Variants in TOR1A observed in about 807,000 individuals in gnomAD.
TOR1A encodes the protein torsin-1A.
Under a neutral mutation model 31.4 loss-of-function variants are expected in TOR1A, and 18 were observed. The observed-to-expected ratio is 0.57, with a 90% CI of 0.40 to 0.85. TOR1A has a LOEUF of 0.85. Among genes scored for constraint, TOR1A ranks in the 40% least tolerant of loss-of-function variants. TOR1A has a pLI of 0.00. For synonymous variants in TOR1A, 168 were observed against 165.9 expected, an observed-to-expected ratio of 1.01 and a Z score of -0.10; for missense variants, 375 against 416.4, an observed-to-expected ratio of 0.90 and a Z score of 0.87.
rs1480615351 is a variant in TOR1A, at chr9:129,817,550, T to A, written c.748+970A>T. On this transcript the variant is annotated intron_variant, in intron 4 of 4. Coordinates refer to ENST00000351698, the MANE Select transcript of TOR1A (RefSeq NM_000113.3). ...CCGTTTCTACTAAAAATACAAAAAA[T>A]TTGCCGAGTGTGGTGGCAGGTGCCT... 2.6e-5 allele frequency among the ~76,000 whole-genome samples: 4 copies of A among 151,152 alleles called. No individual in the cohort carries two copies. The South Asian group carries it at 8.3e-4, about 32-fold the overall frequency.
In TOR1A at chr9:129,814,793, C is replaced by A. The variant is rs370274098; in HGVS notation, c.749-571G>T. The stretch of plus-strand genomic sequence containing the variant: ...TTCCCGGGAAGGACTACCAGCCACG[C>A]CTCTGTATTTGGGAACTTTTTGACT... On this transcript the variant is annotated intron_variant, in intron 4 of 4. Transcript: ENST00000351698. 2.5e-3 allele frequency among the ~76,000 whole-genome samples: 387 copies of A among 152,084 alleles called. 2 individuals carry two copies. The highest frequency in any genetic ancestry group is 9.0e-3 in the African/African-American group (373 of 41,470).
At chr9:129,818,405 C>G in intron 4 of TOR1A, 115 bp downstream of exon 4, 1 of 1,520,360 alleles carries the variant, frequency 6.6e-7, no homozygotes, top group Non-Finnish European at 9.0e-7. Context: ...GACTGAGAAT[C>G]TGCATTTCTT....
At chr9:129,819,930 C>CAA (rs1311597597) in intron 2 of TOR1A, among the ~76,000 whole-genome samples, 2 of 98,162 alleles carry the variant, frequency 2.0e-5, no homozygotes, top group Admixed American at 1.1e-4. Flanking sequence ...GACTCCGTCT[C>CAA]AAAAAAAAAA....
At chr9:129,823,776 A>C in intron 1 of TOR1A, 132 bp downstream of exon 1, 1 of 934,984 alleles carries the variant, frequency 1.1e-6, no homozygotes, top group Non-Finnish European at 1.5e-6. Flanking sequence ...CTCCAGCCCT[A>C]GTCCTAGCCC....
chr9:129,814,208 T>A lies in TOR1A; in HGVS notation c.763A>T (p.Ser255Cys). The change falls in exon 5 of 5, where the codon AGC (serine) becomes TGC (cysteine). Residue 255 changes from serine to cysteine, a missense_variant. Coordinates refer to ENST00000351698, the MANE Select transcript of TOR1A (RefSeq NM_000113.3). ...FNNKNSGFWH[S>C]SLIDRNLIDY... Reference sequence around the variant, plus strand: ...ATGAGGTTCCGGTCAATTAAGCTGCTGTGCCAGAAGCCACCTGGGAAGAAG... The same window carrying A: ...ATGAGGTTCCGGTCAATTAAGCTGCAGTGCCAGAAGCCACCTGGGAAGAAG... 1 of 1,614,168 alleles carries A rather than the reference T, an allele frequency of 6.2e-7. No individual in the cohort carries two copies. Among genetic ancestry groups the A allele is most frequent in the South Asian group, 1.1e-5 (1 of 91,086 alleles).
At position 129,823,229 on chromosome 9, in the gene TOR1A, G is replaced by A. The variant is rs2031233144; in HGVS notation, c.179-383C>T. 5.4e-5 allele frequency: 19 copies of A among 353,800 alleles called. 1 individual carries two copies. Among genetic ancestry groups the A allele is most frequent in the South Asian group, 4.5e-4 (19 of 42,156 alleles). 21.9% of individuals were successfully genotyped at this position (353,800 alleles called of 1,614,324 possible). Reference sequence around the variant, plus strand: ...CACCATCCTTCCTGTCTCCCGCTAGGCTAGAAAGGAGGCAGAACCCACTTC... The same window carrying A: ...CACCATCCTTCCTGTCTCCCGCTAGACTAGAAAGGAGGCAGAACCCACTTC... On this transcript the variant is annotated intron_variant, in intron 1 of 4. Transcript: ENST00000351698.
At chr9:129,823,829 G>A (rs2031253542) in intron 1 of TOR1A, 79 bp downstream of exon 1, 4 of 1,492,204 alleles carry the variant, frequency 2.7e-6, no homozygotes, top group South Asian at 2.4e-5. Context: ...CATTCTCCAT[G>A]CCCTGGTCCT....
At chr9:129,819,729 G>A (rs2031134479) in intron 2 of TOR1A, among the ~76,000 whole-genome samples, 1 of 151,350 alleles carries the variant, frequency 6.6e-6, no homozygotes, top group East Asian at 1.9e-4. Flanking sequence ...TTGCACTCCA[G>A]CGTGGCGACA....
At chr9:129,819,024 AC>A in intron 2 of TOR1A, 104 bp from the exon 3 acceptor site, 1 of 1,317,584 alleles carries the variant, frequency 7.6e-7, no homozygotes, top group Non-Finnish European at 1.1e-6. Context: ...ACCACTGTGC[AC>A]TCGGCACTAA....
At chr9:129,816,690 T>G (rs1377612012) in intron 4 of TOR1A, among the ~76,000 whole-genome samples, 1 of 152,202 alleles carries the variant, frequency 6.6e-6, no homozygotes, top group Admixed American at 6.5e-5. Context: ...TTGGCACTCC[T>G]AAGCACCGTG....
In TOR1A at chr9:129,824,026, C is replaced by A; in HGVS notation, c.60G>T (p.Ala20=). 1 of 1,608,772 alleles carries A rather than the reference C, an allele frequency of 6.2e-7. No individual in the cohort carries two copies. Among genetic ancestry groups the A allele is most frequent in the Non-Finnish European group, 8.5e-7 (1 of 1,178,644 alleles). ...CCAGTCCCAGGCTGATGGGCTCCAC[C>A]GCCTGCACCACGGACGGCGCCAGCA... is the stretch of plus-strand genomic sequence containing the variant. ...LLLLAPSVVQ[A]VEPISLGLAL... The change falls in exon 1 of 5, where the codon GCG becomes GCT. Residue 20 remains alanine, a synonymous_variant. Coordinates refer to ENST00000351698, the MANE Select transcript of TOR1A (RefSeq NM_000113.3).
chr9:129,821,011 A>T (rs756171530), intron 2 of TOR1A, among the ~76,000 whole-genome samples: 14 of 152,138 alleles, frequency 9.2e-5, no homozygotes, highest in Non-Finnish European at 1.9e-4. Flanking sequence ...GGGATAAATA[A>T]CTGATTGAGG....
chr9:129,820,712 A>G (rs1309378842), intron 2 of TOR1A, among the ~76,000 whole-genome samples: 15 of 152,062 alleles, frequency 9.9e-5, no homozygotes. Flanking sequence ...CTTCTGCCTC[A>G]GCCCCCTAAG....
chr9:129,823,963 A>T lies in TOR1A; in HGVS notation c.123T>A (p.Arg41=), dbSNP rs747247503. ...AGCACTCGGCGAAGAGGCAGTAGAG[A>T]CGCGGGTAGATGTAGCCGGTGAGGA... ...AGVLTGYIYP[R]LYCLFAECCG... Residue 41 remains arginine, a synonymous_variant, in exon 1 of 5, where the codon CGT becomes CGA. Transcript: ENST00000351698. The T allele has an allele frequency of 1.9e-6, 3 of 1,610,840 alleles. No homozygotes were observed. The South Asian group carries it at 3.3e-5, about 18-fold the overall frequency.
At position 129,813,862 on chromosome 9, in the gene TOR1A, T is replaced by C; in HGVS notation, c.*110A>G. 1 of 1,468,528 alleles carries C rather than the reference T, an allele frequency of 6.8e-7. No homozygotes were observed. The highest frequency in any genetic ancestry group is 9.4e-7 in the Non-Finnish European group (1 of 1,062,940). 91.0% of individuals were successfully genotyped at this position (1,468,528 alleles called of 1,614,324 possible). A position where few individuals can be genotyped will look rare whatever the true frequency, so the allele number is the denominator to read the frequency against. Reference sequence around the variant, plus strand: ...ATTCCTGTCACATCAAACAGGAACATTCACTGGATTCCTCTTCCAGGGAAA... The same window carrying C: ...ATTCCTGTCACATCAAACAGGAACACTCACTGGATTCCTCTTCCAGGGAAA... On this transcript the variant is annotated 3_prime_UTR_variant, in exon 5 of 5. Transcript: ENST00000351698.
intron 2 of TOR1A, 53 bp downstream of exon 2, chr9:129,822,528 G>A (rs2031209118): frequency 3.1e-6 from 5 of 1,610,950 alleles, no homozygotes; most frequent in South Asian, 1.1e-5. Flanking sequence ...CCACAACAAA[G>A]AGACCCCAAA....
rs1185782277 is a variant in TOR1A at position 129,822,857 on chromosome 9, C to T, written c.179-11G>A. ...GATCCTTCTGCAGTGCTGGGAAAGA[C>T]AAAGCCAATCAGGAGTGGGGAAGAA... On this transcript the variant is annotated splice_polypyrimidine_tract_variant and intron_variant, in intron 1 of 4. Coordinates refer to ENST00000351698, the MANE Select transcript of TOR1A (RefSeq NM_000113.3). The T allele has an allele frequency of 1.2e-6, 2 of 1,614,172 alleles. No homozygotes were observed. The highest frequency in any genetic ancestry group is 1.7e-5 in the Admixed American group (1 of 60,014).
At chr9:129,815,700 TCTGATGCC>T (rs905581949) in intron 4 of TOR1A, among the ~76,000 whole-genome samples, 13 of 152,206 alleles carry the variant, frequency 8.5e-5, no homozygotes, top group African/African-American at 3.1e-4. Context: ...GTGGCTCTGC[TCTGATGCC>T]CTGATGCCAT....
chr9:129,816,219 C>G (rs1410754667), intron 4 of TOR1A, among the ~76,000 whole-genome samples: 1 of 152,154 alleles, frequency 6.6e-6, no homozygotes, highest in Admixed American at 6.5e-5. Flanking sequence ...GAATGCTTTT[C>G]CCTCAGACAT....
Sources: gnomAD v4.1 joint callset for allele counts (sites outside exome capture counted in the v4.1 genomes callset) on GRCh38, gnomAD v4.1.1 for gene constraint, MANE v1.5 for transcripts, NCBI Gene and HGNC (gene_info 2026-07-23, HGNC 2026-07-21) for gene names.